The following LTAP1 variants were observed in gnomAD, a reference collection of about 807,000 sequenced individuals.
LTAP1 encodes the protein HCV NS5A-transactivated protein 4.
the LTAP1 span, chr1:154,220,035 G>A: frequency 9.1e-7 from 1 of 1,095,400 alleles, no homozygotes; most frequent in South Asian, 1.6e-5. Flanking sequence ...CCAGATTCCG[G>A]CTCTCAGGAA....
the LTAP1 span, among the ~76,000 whole-genome samples, chr1:154,213,489 C>G: frequency 6.6e-6 from 1 of 152,158 alleles, no homozygotes; most frequent in African/African-American, 2.4e-5. Flanking sequence ...ACTCATCCAT[C>G]CTAGGTTTAA....
the LTAP1 span, chr1:154,213,931 A>G: frequency 6.2e-7 from 1 of 1,612,888 alleles, no homozygotes; most frequent in East Asian, 2.2e-5. Flanking sequence ...CATCCTATAC[A>G]GATAGTTGTA....
the LTAP1 span, among the ~76,000 whole-genome samples, chr1:154,209,228 C>T: frequency 2.6e-5 from 4 of 152,074 alleles, no homozygotes; most frequent in Non-Finnish European, 1.5e-5. Flanking sequence ...CCCTATTTCC[C>T]CCACTCTCCA....
At chr1:154,210,934 A>C in the LTAP1 span, among the ~76,000 whole-genome samples, 1 of 152,322 alleles carries the variant, frequency 6.6e-6, no homozygotes, top group East Asian at 1.9e-4. Context: ...AGCTGACTCT[A>C]TAGCGATGGC....
chr1:154,219,984 TTTG>T, the LTAP1 span: 18 of 1,426,038 alleles, frequency 1.3e-5, no homozygotes, highest in East Asian at 5.1e-5. Context: ...TCAGTTTTGT[TTTG>T]TTTTTTTTTT....
At chr1:154,207,576 C>T in the LTAP1 span, 4 of 1,614,020 alleles carry the variant, frequency 2.5e-6, no homozygotes, top group Non-Finnish European at 2.5e-6. Flanking sequence ...TTGGGGAGAC[C>T]TCAGGGGACT....
At chr1:154,214,650 T>G in the LTAP1 span, 1 of 861,960 alleles carries the variant, frequency 1.2e-6, no homozygotes, top group Non-Finnish European at 1.9e-6. Context: ...TGGGGCAGAG[T>G]TAATGAATAA....
At chr1:154,209,171 T>G in the LTAP1 span, among the ~76,000 whole-genome samples, 6 of 152,278 alleles carry the variant, frequency 3.9e-5, no homozygotes, top group East Asian at 1.2e-3. Context: ...GCAACCAACC[T>G]CCACATTTTC....
chr1:154,207,078 G>A, the LTAP1 span: 1 of 203,018 alleles, frequency 4.9e-6, no homozygotes, highest in Non-Finnish European at 1.0e-5. Context: ...GTATAGATAT[G>A]GAAGACATCT....
At chr1:154,210,311 T>C in the LTAP1 span, among the ~76,000 whole-genome samples, 1 of 152,176 alleles carries the variant, frequency 6.6e-6, no homozygotes, top group African/African-American at 2.4e-5. Flanking sequence ...AGTGCTGGGA[T>C]TATAGACGTG....
the LTAP1 span, chr1:154,212,272 C>A: frequency 6.3e-7 from 1 of 1,594,154 alleles, no homozygotes; most frequent in South Asian, 1.1e-5. Flanking sequence ...GGCAACAGTC[C>A]AACACTACTG....
chr1:154,218,791 G>A, the LTAP1 span, among the ~76,000 whole-genome samples: 2,993 of 152,222 alleles, frequency 0.02, 46 homozygotes, highest in Non-Finnish European at 0.03. Context: ...ACGGTCTAGC[G>A]GAAGAGAGAG....
chr1:154,219,976 A>T, the LTAP1 span: 1 of 1,480,782 alleles, frequency 6.8e-7, no homozygotes, highest in Non-Finnish European at 9.1e-7. Flanking sequence ...ATAAAAAGTC[A>T]GTTTTGTTTT....
the LTAP1 span, among the ~76,000 whole-genome samples, chr1:154,216,953 ATT>A: frequency 1.4e-5 from 2 of 143,078 alleles, no homozygotes; most frequent in Admixed American, 7.0e-5. Flanking sequence ...CTGGCCTTAA[ATT>A]TTTTTTTTTT....
At chr1:154,215,471 CAGG>C in the LTAP1 span, among the ~76,000 whole-genome samples, 1 of 150,664 alleles carries the variant, frequency 6.6e-6, no homozygotes, top group Non-Finnish European at 1.5e-5. Context: ...GAGGCCGAGG[CAGG>C]AGAATGGCGT....
At chr1:154,214,877 CTCTATCACCCAGGCTGG>C in the LTAP1 span, among the ~76,000 whole-genome samples, 1 of 148,088 alleles carries the variant, frequency 6.8e-6, no homozygotes, top group African/African-American at 2.5e-5. Flanking sequence ...CAGAGTCTTG[CTCTATCACCCAGGCTGG>C]AGTGCAGTGG....
chr1:154,214,649 G>A, the LTAP1 span: 1 of 877,514 alleles, frequency 1.1e-6, no homozygotes, highest in Non-Finnish European at 1.8e-6. Flanking sequence ...ATGGGGCAGA[G>A]TTAATGAATA....
At chr1:154,210,471 GTAAC>G in the LTAP1 span, among the ~76,000 whole-genome samples, 5 of 152,050 alleles carry the variant, frequency 3.3e-5, no homozygotes, top group Admixed American at 1.3e-4. Context: ...TTTATGGCTG[GTAAC>G]TAACTGTTTA....
chr1:154,213,443 CAT>C, the LTAP1 span: 210 of 159,888 alleles, frequency 1.3e-3, 1 homozygote, highest in South Asian at 2.2e-3. Context: ...ATCTATGACA[CAT>C]GATAGTGTCA....
Sources: gnomAD v4.1 joint callset for allele counts (sites outside exome capture counted in the v4.1 genomes callset) on GRCh38, gnomAD v4.1.1 for gene constraint, MANE v1.5 for transcripts, NCBI Gene and HGNC (gene_info 2026-07-23, HGNC 2026-07-21) for gene names.